AGPAT4: variants seen among roughly 807,000 people sequenced by gnomAD.
AGPAT4 encodes 1-acyl-sn-glycerol-3-phosphate acyltransferase delta.
AGPAT4 carries 15 observed loss-of-function variants against 48.0 expected under a neutral mutation model. The ratio of observed to expected loss-of-function variants is 0.31; its 90% CI spans 0.21 to 0.48. The LOEUF (loss-of-function observed/expected upper bound fraction) is 0.48. AGPAT4 is among the 20% of genes least tolerant of loss of function. AGPAT4 has a pLI of 0.99. For missense variants in AGPAT4, 314 were observed against 482.5 expected (o/e 0.65, Z 3.27); for synonymous variants, 178 against 198.7 (o/e 0.90, Z 0.88).
At position 161,184,895 on chromosome 6, in the gene AGPAT4, A is replaced by G. The variant is rs1266114019; in HGVS notation, c.179-18478T>C. Among the ~76,000 whole-genome samples, 2 of 152,130 alleles carry G rather than the reference A, an allele frequency of 1.3e-5. No homozygotes were observed. The highest frequency in any genetic ancestry group is 2.4e-5 in the African/African-American group (1 of 41,412). On this transcript the variant is annotated intron_variant, in intron 2 of 8. Coordinates refer to ENST00000320285, the MANE Select transcript of AGPAT4 (RefSeq NM_020133.3). The surrounding 1 kb of genome is among the most constrained non-coding windows in gnomAD (Gnocchi z 4.8). ...GTCAAACTCAAAGTATCAAGCACCC[A>G]TACATAACTTCTAGTTTACAGGCAG...
Position 161,236,415 on chromosome 6 carries a change from A to AAGC in AGPAT4, c.-89-4116_-89-4114dup, listed in dbSNP as rs1782276713. 6.6e-6 allele frequency among the ~76,000 whole-genome samples: 1 copy of AAGC among 152,160 alleles called. No individual in the cohort carries two copies. The highest frequency in any genetic ancestry group is 2.4e-5 in the African/African-American group (1 of 41,436). ...GGTGTTTTCCCATCAGTGAGCTCAG[A>AAGC]AGCAGCGTTTAACCTTTACTTTTTC... On this transcript the variant is annotated intron_variant, in intron 1 of 8. Transcript: ENST00000320285. This position sits in a 1 kb window ranked among gnomAD's most constrained non-coding sequence, Gnocchi z 5.0.
chr6:161,152,256 C>G (rs1779611121), intron 5 of AGPAT4, among the ~76,000 whole-genome samples: 1 of 151,888 alleles, frequency 6.6e-6, no homozygotes, highest in Non-Finnish European at 1.5e-5. Flanking sequence ...GAAGAAGAAA[C>G]TGGTTAACAG....
chr6:161,186,483 G>A (rs912359301), intron 2 of AGPAT4, among the ~76,000 whole-genome samples: 6 of 151,966 alleles, frequency 3.9e-5, no homozygotes, highest in South Asian at 2.1e-4. Flanking sequence ...GGTTCTGTCC[G>A]CCCACATCTT....
rs148349368 is a variant in AGPAT4 at position 161,164,651 on chromosome 6, G to T, written c.348+1597C>A. Among the ~76,000 whole-genome samples, 1 of 152,150 alleles carries T rather than the reference G, an allele frequency of 6.6e-6. No individual in the cohort carries two copies. Among genetic ancestry groups the T allele is most frequent in the East Asian group, 1.9e-4 (1 of 5,194 alleles). ...ACTCAGCCAAACTGAGGCTCTGGGGGTTTATTTATAAAATGTGGATAATAA... is the reference window on the plus strand; with the variant it reads ...ACTCAGCCAAACTGAGGCTCTGGGGTTTTATTTATAAAATGTGGATAATAA... On this transcript the variant is annotated intron_variant, in intron 3 of 8. Coordinates refer to ENST00000320285, the MANE Select transcript of AGPAT4 (RefSeq NM_020133.3). This position sits in a 1 kb window ranked among gnomAD's most constrained non-coding sequence, Gnocchi z 7.4.
chr6:161,213,878 ATCT>A (rs1244932650), intron 2 of AGPAT4, among the ~76,000 whole-genome samples: 1 of 152,170 alleles, frequency 6.6e-6, no homozygotes, highest in African/African-American at 2.4e-5. Flanking sequence ...ACAGAGACTC[ATCT>A]TCTTCTAAAA....
chr6:161,190,697 G>A (rs1475848738), intron 2 of AGPAT4, among the ~76,000 whole-genome samples: 2 of 151,896 alleles, frequency 1.3e-5, no homozygotes, highest in Non-Finnish European at 2.9e-5. Context: ...CTCTAATCAT[G>A]CCAATGGGAA....
rs1782123221 is a variant in AGPAT4, at chr6:161,231,598, G to A, written c.178+438C>T. On this transcript the variant is annotated intron_variant, in intron 2 of 8. Coordinates refer to ENST00000320285, the MANE Select transcript of AGPAT4 (RefSeq NM_020133.3). The surrounding 1 kb of genome is among the most constrained non-coding windows in gnomAD (Gnocchi z 5.3). Reference sequence around the variant, plus strand: ...AAAGCTGAAGAAAAAAGGCAAGGAAGAAAACAATATAGTATACTGCCACTT... The same window carrying A: ...AAAGCTGAAGAAAAAAGGCAAGGAAAAAAACAATATAGTATACTGCCACTT... Among the ~76,000 whole-genome samples, 1 of 151,762 alleles carries A rather than the reference G, an allele frequency of 6.6e-6. No homozygotes were observed. Among genetic ancestry groups the A allele is most frequent in the Admixed American group, 6.6e-5 (1 of 15,232 alleles).
Position 161,255,528 on chromosome 6 carries a change from T to C in AGPAT4, c.-90+18410A>G, listed in dbSNP as rs1415359780. 6.6e-6 allele frequency among the ~76,000 whole-genome samples: 1 copy of C among 152,172 alleles called. No individual in the cohort carries two copies. Among genetic ancestry groups the C allele is most frequent in the Non-Finnish European group, 1.5e-5 (1 of 68,036 alleles). ...TACAGTATATCCATAAAATGGAATA[T>C]TCTCCAGCCACAAGAAAGAATAAAT... On this transcript the variant is annotated intron_variant, in intron 1 of 8. Coordinates refer to ENST00000320285, the MANE Select transcript of AGPAT4 (RefSeq NM_020133.3). The surrounding 1 kb of genome is among the most constrained non-coding windows in gnomAD (Gnocchi z 4.7).
chr6:161,257,442 T>C (rs1782973325), intron 1 of AGPAT4, among the ~76,000 whole-genome samples: 1 of 152,352 alleles, frequency 6.6e-6, no homozygotes. Context: ...GGATGGATCC[T>C]GTGGGCATGA....
intron 1 of AGPAT4, among the ~76,000 whole-genome samples, chr6:161,260,977 G>A (rs1343028910): frequency 6.6e-6 from 1 of 152,234 alleles, no homozygotes; most frequent in East Asian, 1.9e-4. Flanking sequence ...TCTCCTTAGA[G>A]GAGTGCACAC....
At position 161,238,085 on chromosome 6, in the gene AGPAT4, G is replaced by C. The variant is rs1350808921; in HGVS notation, c.-89-5783C>G. Among the ~76,000 whole-genome samples, 1 of 91,684 alleles carries C rather than the reference G, an allele frequency of 1.1e-5. No individual in the cohort carries two copies. The allele number at this position is 91,684 out of a possible 152,430, so 60.1% of individuals were successfully genotyped here. On this transcript the variant is annotated intron_variant, in intron 1 of 8. Coordinates refer to ENST00000320285, the MANE Select transcript of AGPAT4 (RefSeq NM_020133.3). The surrounding 1 kb of genome is among the most constrained non-coding windows in gnomAD (Gnocchi z 5.2). The stretch of plus-strand genomic sequence containing the variant: ...CTGGGGGTGGGGGGGTAATGGGGGG[G>C]TTGGGGGGCGGGAGGCAGAATGCAG...
At position 161,143,287 on chromosome 6, in the gene AGPAT4, C is replaced by T. The variant is rs889782239; in HGVS notation, c.843+3237G>A. ...ACGGGTTCCCATTATGTTGCCCAGA[C>T]TGGTCTCAAACCCCTGGCCTCAAGT... On this transcript the variant is annotated intron_variant, in intron 7 of 8. Transcript: ENST00000320285. The surrounding 1 kb of genome is among the most constrained non-coding windows in gnomAD (Gnocchi z 4.7). 6.6e-6 allele frequency among the ~76,000 whole-genome samples: 1 copy of T among 152,190 alleles called. No individual in the cohort carries two copies. The highest frequency in any genetic ancestry group is 1.5e-5 in the Non-Finnish European group (1 of 68,028).
rs1482975312 is a variant in AGPAT4, at chr6:161,166,909, G to C, written c.179-492C>G. Among the ~76,000 whole-genome samples the C allele has an allele frequency of 6.6e-6, 1 of 152,208 alleles. No homozygotes were observed. Among genetic ancestry groups the C allele is most frequent in the East Asian group, 1.9e-4 (1 of 5,184 alleles). On this transcript the variant is annotated intron_variant, in intron 2 of 8. Transcript: ENST00000320285. This position sits in a 1 kb window ranked among gnomAD's most constrained non-coding sequence, Gnocchi z 6.7. ...GAGAACGGCAGATCCAGCCGCAGGAGCCCCAGCACCTGCAGGGCAGCGGGA... is the reference window on the plus strand; with the variant it reads ...GAGAACGGCAGATCCAGCCGCAGGACCCCCAGCACCTGCAGGGCAGCGGGA...
chr6:161,256,086 AGGTGTCCAGGCGAGGCC>A (rs1782935668), intron 1 of AGPAT4, among the ~76,000 whole-genome samples: 1 of 152,170 alleles, frequency 6.6e-6, no homozygotes, highest in Non-Finnish European at 1.5e-5. Context: ...AGGCAGAGCA[AGGTGTCCAGGCGAGGCC>A]GGTTGGCAGG....
rs765672580 is a variant in AGPAT4 at position 161,144,105 on chromosome 6, C to G, written c.843+2419G>C. On this transcript the variant is annotated intron_variant, in intron 7 of 8. Coordinates refer to ENST00000320285, the MANE Select transcript of AGPAT4 (RefSeq NM_020133.3). The surrounding 1 kb of genome is among the most constrained non-coding windows in gnomAD (Gnocchi z 6.6). ...AGGCTCCTAGCAAAATAGGCTGATA[C>G]AGAAAGGAATTGTCCCTTGATGTCT... The G allele has an allele frequency of 7.9e-5, 42 of 532,192 alleles. No individual in the cohort carries two copies. The highest frequency in any genetic ancestry group is 1.5e-4 in the Non-Finnish European group (38 of 259,286). 33.0% of individuals were successfully genotyped at this position (532,192 alleles called of 1,614,324 possible).
chr6:161,173,683 C>T (rs566329414), intron 2 of AGPAT4, among the ~76,000 whole-genome samples: 88 of 152,298 alleles, frequency 5.8e-4, no homozygotes, highest in African/African-American at 2.0e-3. Context: ...GCTTTTGTTG[C>T]CATTGCTTTT....
In AGPAT4 at chr6:161,149,349, T is replaced by C; in HGVS notation, c.665-60A>G. 1.4e-6 allele frequency: 2 copies of C among 1,448,280 alleles called. No homozygotes were observed. The highest frequency in any genetic ancestry group is 2.2e-5 in the Admixed American group (1 of 45,690). 89.7% of individuals were successfully genotyped at this position (1,448,280 alleles called of 1,614,324 possible). A position where few individuals can be genotyped will look rare whatever the true frequency, so the allele number is the denominator to read the frequency against. ...AGCGTGTGAACCCAATTTTGTTCTG[T>C]AGATACACACATTGGAAGACAATAA... On this transcript the variant is annotated intron_variant, in intron 5 of 8. Coordinates refer to ENST00000320285, the MANE Select transcript of AGPAT4 (RefSeq NM_020133.3). This position sits in a 1 kb window ranked among gnomAD's most constrained non-coding sequence, Gnocchi z 6.5.
chr6:161,231,971 A>G lies in AGPAT4; in HGVS notation c.178+65T>C. Reference sequence around the variant, plus strand: ...ACGAAAGCCTAGTGAATCCATATCAAGAGCCATAATTCTGATACACACATC... The same window carrying G: ...ACGAAAGCCTAGTGAATCCATATCAGGAGCCATAATTCTGATACACACATC... On this transcript the variant is annotated intron_variant, in intron 2 of 8. Transcript: ENST00000320285. The surrounding 1 kb of genome is among the most constrained non-coding windows in gnomAD (Gnocchi z 5.3). The G allele has an allele frequency of 2.7e-6, 4 of 1,484,880 alleles. No individual in the cohort carries two copies. The highest frequency in any genetic ancestry group is 3.7e-6 in the Non-Finnish European group (4 of 1,088,154). The allele number at this position is 1,484,880 out of a possible 1,614,324, so 92.0% of individuals were successfully genotyped here. A position where few individuals can be genotyped will look rare whatever the true frequency, so the allele number is the denominator to read the frequency against.
At position 161,136,262 on chromosome 6, in the gene AGPAT4, G is replaced by C; in HGVS notation, c.*278C>G. On this transcript the variant is annotated 3_prime_UTR_variant, in exon 9 of 9. Coordinates refer to ENST00000320285, the MANE Select transcript of AGPAT4 (RefSeq NM_020133.3). ...CTGCAGCCTAAAATACCCTTTCTAT[G>C]ATCACAGAACAAAGTTCACACTCAC... 1 of 383,098 alleles carries C rather than the reference G, an allele frequency of 2.6e-6. No homozygotes were observed. The highest frequency in any genetic ancestry group is 4.9e-6 in the Non-Finnish European group (1 of 205,078). The allele number at this position is 383,098 out of a possible 1,614,324, so 23.7% of individuals were successfully genotyped here.
Sources: gnomAD v4.1 joint callset for allele counts (sites outside exome capture counted in the v4.1 genomes callset) on GRCh38, gnomAD v4.1.1 for gene constraint, Gnocchi (gnomAD v3.1) non-coding constraint, MANE v1.5 for transcripts, NCBI Gene and HGNC (gene_info 2026-07-23, HGNC 2026-07-21) for gene names.